KIF27: variants seen among roughly 807,000 people sequenced by gnomAD.
The protein encoded by KIF27 is kinesin family member 27.
In KIF27, 84 loss-of-function variants were observed where a neutral mutation model predicts 141.8. The observed-to-expected ratio is 0.59, with a 90% CI of 0.50 to 0.71. The LOEUF (loss-of-function observed/expected upper bound fraction) is 0.71, where lower values mean the gene tolerates loss of function less well. Among genes scored for constraint, KIF27 ranks in the 30% least tolerant of loss-of-function variants. The probability of loss-of-function intolerance (pLI) is 0.00; values close to 1 mark genes in which losing one functional copy is unlikely to be tolerated. For synonymous variants in KIF27, 471 were observed against 569.5 expected, an observed-to-expected ratio of 0.83 and a Z score of 2.46; for missense variants, 1,306 against 1,628.4, an observed-to-expected ratio of 0.80 and a Z score of 3.41.
chr9:83,884,096 C>T, intron 9 of KIF27, 78 bp from the exon 10 acceptor site: 1 of 1,048,528 alleles, frequency 9.5e-7, no homozygotes, highest in Non-Finnish European at 1.3e-6. Flanking sequence ...AAATACTCTA[C>T]TCTAAAATCC....
At chr9:83,847,498 T>C (rs1251628015) in intron 16 of KIF27, 1 of 152,186 alleles carries the variant, frequency 6.6e-6, no homozygotes, top group Non-Finnish European at 1.5e-5. Flanking sequence ...TTATTGTCTT[T>C]ATTTGAAGAT....
chr9:83,883,295 G>A (rs1343176687), intron 10 of KIF27, among the ~76,000 whole-genome samples: 2 of 152,166 alleles, frequency 1.3e-5, no homozygotes, highest in Non-Finnish European at 2.9e-5. Context: ...ATCTCCATGT[G>A]ATGGAATATT....
At chr9:83,837,767 C>A (rs865907570) in intron 17 of KIF27, 88 of 219,930 alleles carry the variant, frequency 4.0e-4, no homozygotes, top group African/African-American at 1.7e-3. Flanking sequence ...CATAAGAGTG[C>A]TTTGGGCACC....
In KIF27 at chr9:83,880,513, T is replaced by C. The variant is rs572023493; in HGVS notation, c.2446-19A>G. 8.9e-6 allele frequency: 14 copies of C among 1,571,906 alleles called. No individual in the cohort carries two copies. In the East Asian group the frequency reaches 2.7e-4, roughly 30 times the overall value. ...GCAAGACCTGAGATCATATGGAATA[T>C]TTCAAAATGAAAAACTGAATCTCTC... On this transcript the variant is annotated intron_variant, in intron 10 of 17. Transcript: ENST00000297814.
At chr9:83,857,668 T>A (rs568688266) in intron 14 of KIF27, among the ~76,000 whole-genome samples, 1 of 152,360 alleles carries the variant, frequency 6.6e-6, no homozygotes, top group South Asian at 2.1e-4. Context: ...TTGTTAATTC[T>A]CATCTCTGTG....
intron 9 of KIF27, among the ~76,000 whole-genome samples, chr9:83,885,508 A>G (rs1563949488): frequency 6.6e-6 from 1 of 152,260 alleles, no homozygotes; most frequent in East Asian, 1.9e-4. Flanking sequence ...ATTTATGATT[A>G]CTTGACTAAC....
At chr9:83,920,797 G>C (rs900021926) in intron 1 of KIF27, among the ~76,000 whole-genome samples, 1 of 152,146 alleles carries the variant, frequency 6.6e-6, no homozygotes, top group South Asian at 2.1e-4. Context: ...GGGAGCTCTC[G>C]GGCTTGAATG....
intron 15 of KIF27, 121 bp downstream of exon 15, chr9:83,853,508 T>A: frequency 3.0e-6 from 2 of 666,952 alleles, no homozygotes; most frequent in Non-Finnish European, 5.0e-6. Context: ...ATGCTTAAAT[T>A]TGTAGTTACA....
At chr9:83,861,227 T>C (rs1401373162) in intron 13 of KIF27, among the ~76,000 whole-genome samples, 1 of 151,824 alleles carries the variant, frequency 6.6e-6, no homozygotes, top group Non-Finnish European at 1.5e-5. Flanking sequence ...ATGTGCACAA[T>C]GTGCAGGTTT....
chr9:83,875,387 G>C (rs774708681), intron 11 of KIF27, among the ~76,000 whole-genome samples: 5 of 152,174 alleles, frequency 3.3e-5, no homozygotes, highest in Non-Finnish European at 5.9e-5. Context: ...GAAGAGAGCA[G>C]GGAGTGGGGA....
chr9:83,843,528 AGTATATTT>A (rs1482590747), intron 16 of KIF27, among the ~76,000 whole-genome samples: 1 of 152,148 alleles, frequency 6.6e-6, no homozygotes, highest in Non-Finnish European at 1.5e-5. Flanking sequence ...ATTTTGTTTA[AGTATATTT>A]GTATATTTTA....
Position 83,848,331 on chromosome 9 carries a change from CTA to C in KIF27, c.3556+1766_3556+1767del, listed in dbSNP as rs540312210. Reference sequence around the variant, plus strand: ...TATGATATATCATATATCTATATATCTATATATATCTATGTATCTATATATAT... The same window carrying C: ...TATGATATATCATATATCTATATATCTATATATCTATGTATCTATATATAT... On this transcript the variant is annotated intron_variant, in intron 16 of 17. Coordinates refer to ENST00000297814, the MANE Select transcript of KIF27 (RefSeq NM_017576.4). Among the ~76,000 whole-genome samples the C allele has an allele frequency of 6.4e-4, 56 of 87,876 alleles. 7 individuals are homozygous for C. Among genetic ancestry groups the C allele is most frequent in the East Asian group, 3.4e-3 (11 of 3,266 alleles). 57.7% of individuals were successfully genotyped at this position (87,876 alleles called of 152,430 possible).
In KIF27 at chr9:83,887,957, C is replaced by T. The variant is rs529444138; in HGVS notation, c.2083+532G>A. On this transcript the variant is annotated intron_variant, in intron 8 of 17. Transcript: ENST00000297814. The stretch of plus-strand genomic sequence containing the variant: ...TCCCTTATTTTTTGTGGGTCAACCA[C>T]GCATTGACCAAGAGAGATGAGTTAA... Among the ~76,000 whole-genome samples the T allele has an allele frequency of 7.4e-5, 11 of 149,624 alleles. No individual in the cohort carries two copies. The South Asian group carries it at 1.3e-3, about 18-fold the overall frequency.
chr9:83,845,714 TG>T (rs1947185797), intron 16 of KIF27, among the ~76,000 whole-genome samples: 1 of 152,206 alleles, frequency 6.6e-6, no homozygotes. Flanking sequence ...GCACTTTGCA[TG>T]GAAGGAGAAA....
At chr9:83,856,143 G>T (rs1386289309) in intron 14 of KIF27, among the ~76,000 whole-genome samples, 1 of 152,110 alleles carries the variant, frequency 6.6e-6, no homozygotes, top group Non-Finnish European at 1.5e-5. Context: ...GTACCCAGGA[G>T]CTCACTAGAA....
At chr9:83,847,076 C>T (rs1490481867) in intron 16 of KIF27, among the ~76,000 whole-genome samples, 1 of 152,096 alleles carries the variant, frequency 6.6e-6, no homozygotes, top group African/African-American at 2.4e-5. Context: ...CCAGTCACAA[C>T]TAAAAATGGT....
chr9:83,874,016 C>T (rs746603832), intron 11 of KIF27, among the ~76,000 whole-genome samples: 5 of 151,074 alleles, frequency 3.3e-5, no homozygotes, highest in Non-Finnish European at 5.9e-5. Context: ...CACACCACTG[C>T]ACTCCAGCCT....
rs374771696 is a variant in KIF27, at chr9:83,883,875, T to C, written c.2383A>G (p.Met795Val). The C allele has an allele frequency of 2.7e-5, 43 of 1,613,376 alleles. No homozygotes were observed. The African/African-American group carries it at 5.1e-4, about 19-fold the overall frequency. Reference sequence around the variant, plus strand: ...AACTCTTTCTGTAATTTTACCTTCATTGCAACATCAGAAAGATCTTTGTTT... The same window carrying C: ...AACTCTTTCTGTAATTTTACCTTCACTGCAACATCAGAAAGATCTTTGTTT... ...LENKDLSDVA[M>V]KVKLQKEFRK... Residue 795 changes from methionine (M) to valine (V), a missense_variant, in exon 10 of 18, where the codon ATG (methionine) becomes GTG (valine). By Grantham distance (21) the Met-to-Val change is conservative. This residue lies in a region of KIF27 where 596 missense variants were observed against 751.6 expected (regional missense o/e 0.79). Coordinates refer to ENST00000297814, the MANE Select transcript of KIF27 (RefSeq NM_017576.4).
chr9:83,908,288 AGAGG>A (rs1425811578), intron 3 of KIF27, among the ~76,000 whole-genome samples, 160 bp downstream of exon 3: 2 of 150,344 alleles, frequency 1.3e-5, no homozygotes, highest in East Asian at 3.9e-4. Flanking sequence ...AAAGAGAGAG[AGAGG>A]GATTAATAAT....
Sources: allele counts gnomAD v4.1 joint callset (sites outside exome capture counted in the v4.1 genomes callset), GRCh38; gene constraint gnomAD v4.1.1; regional missense constraint gnomAD v4.1.1; transcripts MANE v1.5; gene names NCBI Gene and HGNC (gene_info 2026-07-23, HGNC 2026-07-21).